ARHGAP12: variants seen among roughly 807,000 people sequenced by gnomAD.
The protein encoded by ARHGAP12 is Rho GTPase activating protein 12.
ARHGAP12 carries 64 observed loss-of-function variants against 108.6 expected under a neutral mutation model. The observed-to-expected ratio is 0.59, with a 90% CI of 0.48 to 0.73. The LOEUF (loss-of-function observed/expected upper bound fraction) is 0.73, where lower values mean the gene tolerates loss of function less well. Ranked by LOEUF, ARHGAP12 falls within the 30% of genes least tolerant of loss-of-function variation. The pLI is 0.00. For synonymous variants in ARHGAP12, 312 were observed against 337.2 expected, an observed-to-expected ratio of 0.93 and a Z score of 0.82; for missense variants, 940 against 1,005.9, an observed-to-expected ratio of 0.93 and a Z score of 0.89.
chr10:31,874,927 T>C (rs1837669520), intron 3 of ARHGAP12, among the ~76,000 whole-genome samples: 1 of 123,046 alleles, frequency 8.1e-6, no homozygotes, highest in South Asian at 2.6e-4. Context: ...TGAGCCAAGA[T>C]GGCGCCACAG....
intron 7 of ARHGAP12, 109 bp from the exon 8 acceptor site, chr10:31,839,820 GT>G (rs1440902943): frequency 5.3e-6 from 4 of 749,886 alleles, no homozygotes; most frequent in Non-Finnish European, 7.9e-6. Flanking sequence ...TTTTTTCCTC[GT>G]TATTTTCGTT....
intron 3 of ARHGAP12, among the ~76,000 whole-genome samples, chr10:31,869,010 C>G (rs1038420046): frequency 6.6e-6 from 1 of 152,138 alleles, no homozygotes; most frequent in Non-Finnish European, 1.5e-5. Context: ...GCAAACTAGC[C>G]TCTTCAGCCC....
chr10:31,885,057 G>A (rs941038340), intron 3 of ARHGAP12, among the ~76,000 whole-genome samples: 5 of 151,714 alleles, frequency 3.3e-5, no homozygotes, highest in South Asian at 2.1e-4. Flanking sequence ...TGGAGAGCAG[G>A]GTGTCCATTC....
In ARHGAP12 at chr10:31,926,385, G is replaced by C. The variant is rs529308485; in HGVS notation, c.-111+2298C>G. Reference sequence around the variant, plus strand: ...TAGTGGCCCAATAGGTTCCTCAAAAGAGGTAATCTGAAAAGCCCGATTTGA... The same window carrying C: ...TAGTGGCCCAATAGGTTCCTCAAAACAGGTAATCTGAAAAGCCCGATTTGA... On this transcript the variant is annotated intron_variant, in intron 1 of 19. Transcript: ENST00000344936. 9.0e-4 allele frequency among the ~76,000 whole-genome samples: 136 copies of C among 150,330 alleles called. 1 individual carries two copies. The highest frequency in any genetic ancestry group is 1.5e-3 in the Non-Finnish European group (104 of 67,758).
intron 5 of ARHGAP12, among the ~76,000 whole-genome samples, chr10:31,853,062 C>T (rs189977847): frequency 3.3e-5 from 5 of 152,140 alleles, no homozygotes; most frequent in African/African-American, 7.2e-5. Flanking sequence ...ATACTAAAAG[C>T]CTTGCATTTT....
chr10:31,880,445 T>G (rs1837900685), intron 3 of ARHGAP12, among the ~76,000 whole-genome samples: 1 of 151,688 alleles, frequency 6.6e-6, no homozygotes, highest in South Asian at 2.1e-4. Context: ...CCCATCTCTA[T>G]AGAAAAACAA....
chr10:31,848,963 T>C (rs1171193111), intron 6 of ARHGAP12, among the ~76,000 whole-genome samples: 4 of 151,648 alleles, frequency 2.6e-5, no homozygotes, highest in Non-Finnish European at 5.9e-5. Context: ...CCCAGGTACG[T>C]AGGAGAATCA....
intron 6 of ARHGAP12, among the ~76,000 whole-genome samples, chr10:31,851,585 AT>A (rs1164026664): frequency 6.6e-6 from 1 of 152,130 alleles, no homozygotes; most frequent in Non-Finnish European, 1.5e-5. Context: ...ATTACAGGAT[AT>A]GTATTTCATT....
At chr10:31,860,683 G>GA (rs1309765449) in intron 4 of ARHGAP12, among the ~76,000 whole-genome samples, 1 of 152,094 alleles carries the variant, frequency 6.6e-6, no homozygotes, top group Non-Finnish European at 1.5e-5. Flanking sequence ...CTGACAAAGA[G>GA]AAAAAATGGG....
chr10:31,879,208 C>T (rs1251876322), intron 3 of ARHGAP12, among the ~76,000 whole-genome samples: 9 of 152,060 alleles, frequency 5.9e-5, no homozygotes, highest in African/African-American at 2.2e-4. Context: ...CTCAGGAGTT[C>T]AAGACCAGCC....
chr10:31,818,276 A>G (rs1259210032), intron 12 of ARHGAP12, among the ~76,000 whole-genome samples: 3 of 152,202 alleles, frequency 2.0e-5, no homozygotes, highest in African/African-American at 7.2e-5. Context: ...ACAACCTGAG[A>G]AATTTTTTTC....
chr10:31,807,840 G>GA lies in ARHGAP12; in HGVS notation c.2367-9dup. ...TCTCCATTTTCTATAACTCTGAAGG[G>GA]AAAAAAAGAAGTTGTTAAAAGAGAA... On this transcript the variant is annotated splice_polypyrimidine_tract_variant and intron_variant, in intron 19 of 19. Coordinates refer to ENST00000344936, the MANE Select transcript of ARHGAP12 (RefSeq NM_018287.7). 3.4e-6 allele frequency: 5 copies of GA among 1,488,784 alleles called. No homozygotes were observed. Among genetic ancestry groups the GA allele is most frequent in the Non-Finnish European group, 4.5e-6 (5 of 1,115,878 alleles). 92.2% of individuals were successfully genotyped at this position (1,488,784 alleles called of 1,614,324 possible).
intron 3 of ARHGAP12, among the ~76,000 whole-genome samples, chr10:31,880,989 A>T (rs904996177): frequency 6.6e-6 from 1 of 151,878 alleles, no homozygotes; most frequent in African/African-American, 2.4e-5. Flanking sequence ...CTTGAGCTCA[A>T]GAGGGCAAGG....
At chr10:31,838,959 T>G (rs1222680513) in intron 9 of ARHGAP12, among the ~76,000 whole-genome samples, 1 of 151,616 alleles carries the variant, frequency 6.6e-6, no homozygotes, top group Non-Finnish European at 1.5e-5. Context: ...GAGGCTGCAG[T>G]GAGCTATGAT....
At chr10:31,897,046 T>A (rs1345105994) in intron 3 of ARHGAP12, among the ~76,000 whole-genome samples, 3 of 151,970 alleles carry the variant, frequency 2.0e-5, no homozygotes, top group Non-Finnish European at 4.4e-5. Context: ...CTTCTAGGAG[T>A]GGCAGTCTTG....
intron 2 of ARHGAP12, among the ~76,000 whole-genome samples, chr10:31,909,380 G>C (rs944322135): frequency 6.6e-6 from 1 of 152,116 alleles, no homozygotes; most frequent in African/African-American, 2.4e-5. Context: ...ACGGCATTAC[G>C]GGTTTAAATG....
chr10:31,893,275 A>G (rs879340969), intron 3 of ARHGAP12, among the ~76,000 whole-genome samples: 57 of 152,330 alleles, frequency 3.7e-4, no homozygotes, highest in Admixed American at 1.0e-3. Context: ...GGAGACAGAG[A>G]CACAAAAAAC....
At chr10:31,893,484 T>A (rs1365139827) in intron 3 of ARHGAP12, among the ~76,000 whole-genome samples, 1 of 152,084 alleles carries the variant, frequency 6.6e-6, no homozygotes, top group Non-Finnish European at 1.5e-5. Context: ...GCAAATAAAC[T>A]AGAAAATCTA....
At chr10:31,875,020 A>G (rs898762389) in intron 3 of ARHGAP12, among the ~76,000 whole-genome samples, 20 of 148,440 alleles carry the variant, frequency 1.3e-4, no homozygotes, top group Non-Finnish European at 1.9e-4. Context: ...ACACATACTC[A>G]TGTATCTGCC....
Sources: gnomAD v4.1 joint callset for allele counts (sites outside exome capture counted in the v4.1 genomes callset) on GRCh38, gnomAD v4.1.1 for gene constraint, MANE v1.5 for transcripts, NCBI Gene and HGNC (gene_info 2026-07-23, HGNC 2026-07-21) for gene names.